Variants in ATP9B observed in about 807,000 individuals in gnomAD.
ATP9B encodes probable phospholipid-transporting ATPase IIB.
In ATP9B, 110 loss-of-function variants were observed where a neutral mutation model predicts 146.1. The observed-to-expected ratio is 0.75, with a 90% CI of 0.65 to 0.88. The LOEUF (loss-of-function observed/expected upper bound fraction) is 0.88, where lower values mean the gene tolerates loss of function less well. ATP9B is among the 40% of genes least tolerant of loss of function. ATP9B has a pLI of 0.00. For synonymous variants in ATP9B, 604 were observed against 569.7 expected (o/e 1.06, Z -0.86); for missense variants, 1,499 against 1,496.4 (o/e 1.00, Z -0.03).
At chr18:79,355,097 G>A (rs181637537) in intron 25 of ATP9B, among the ~76,000 whole-genome samples, 78 of 152,360 alleles carry the variant, frequency 5.1e-4, no homozygotes, top group South Asian at 1.4e-3. Context: ...CCTCAGTGTC[G>A]GCAGAGGCCG....
chr18:79,085,306 A>G (rs1439954268), intron 1 of ATP9B: 3 of 152,190 alleles, frequency 2.0e-5, no homozygotes, highest in African/African-American at 7.2e-5. Context: ...CACCTCTGAC[A>G]TTGGGGATCA....
At chr18:79,329,520 C>T (rs1473483047) in intron 16 of ATP9B, among the ~76,000 whole-genome samples, 2 of 151,752 alleles carry the variant, frequency 1.3e-5, no homozygotes, top group African/African-American at 4.8e-5. Flanking sequence ...CCTAAGTCAA[C>T]CTAGCCAGAA....
intron 1 of ATP9B, among the ~76,000 whole-genome samples, chr18:79,094,663 G>A (rs1201867923): frequency 6.6e-6 from 1 of 152,210 alleles, no homozygotes; most frequent in African/African-American, 2.4e-5. Context: ...GGCTAGAAAG[G>A]GTGGGTTTCT....
At position 79,154,507 on chromosome 18, in the gene ATP9B, C is replaced by G. The variant is rs745555152; in HGVS notation, c.730C>G (p.Gln244Glu). 6.5e-6 allele frequency: 10 copies of G among 1,535,542 alleles called. No homozygotes were observed. The East Asian group carries it at 2.2e-4, about 34-fold the overall frequency. Residue 244 changes from glutamine to glutamate, a missense_variant, in exon 7 of 30, where the codon CAA becomes GAA. By Grantham distance (29) the Gln-to-Glu change is conservative. Transcript: ENST00000426216. ...TCTTTTATAATGCTCTTTGCAGAATCAAAGAATTCCATCGGACATGGTGTT... is the reference window on the plus strand; with the variant it reads ...TCTTTTATAATGCTCTTTGCAGAATGAAAGAATTCCATCGGACATGGTGTT... Reference protein sequence around the residue: ...VGDLIIVEKNQRIPSDMVFLR... With the variant: ...VGDLIIVEKNERIPSDMVFLR...
Position 79,074,629 on chromosome 18 carries a change from C to T in ATP9B, c.119+5100C>T, listed in dbSNP as rs532078115. Among the ~76,000 whole-genome samples, 7 of 152,238 alleles carry T rather than the reference C, an allele frequency of 4.6e-5. No homozygotes were observed. In the East Asian group the frequency reaches 5.8e-4, roughly 13 times the overall value. The stretch of plus-strand genomic sequence containing the variant: ...CCTTACTGCTACTGCCCAGATGCCC[C>T]GGTATCCCCTGATGGGAGAGGGGAG... On this transcript the variant is annotated intron_variant, in intron 1 of 29. Transcript: ENST00000426216.
At chr18:79,315,124 A>C (rs939760969) in intron 15 of ATP9B, among the ~76,000 whole-genome samples, 2 of 152,024 alleles carry the variant, frequency 1.3e-5, no homozygotes, top group Non-Finnish European at 2.9e-5. Flanking sequence ...TCATCGCCTG[A>C]CTCCAGTATT....
At chr18:79,141,905 G>A (rs1054586909) in intron 5 of ATP9B, among the ~76,000 whole-genome samples, 11 of 152,148 alleles carry the variant, frequency 7.2e-5, no homozygotes, top group African/African-American at 2.7e-4. Context: ...TGTGAAAGCG[G>A]GTAACTTTCC....
chr18:79,275,817 G>A (rs1383566810), intron 12 of ATP9B, among the ~76,000 whole-genome samples: 1 of 152,214 alleles, frequency 6.6e-6, no homozygotes, highest in African/African-American at 2.4e-5. Flanking sequence ...AGATGGTGAG[G>A]TGCTGGTTTA....
At chr18:79,264,794 A>G (rs1034662463) in intron 12 of ATP9B, among the ~76,000 whole-genome samples, 8 of 152,162 alleles carry the variant, frequency 5.3e-5, no homozygotes, top group East Asian at 1.9e-4. Context: ...CCCGTCTGCC[A>G]TGTACCAAGC....
chr18:79,111,555 T>C (rs996061736), intron 3 of ATP9B, among the ~76,000 whole-genome samples: 1 of 152,220 alleles, frequency 6.6e-6, no homozygotes, highest in Non-Finnish European at 1.5e-5. Context: ...TATTCGCATC[T>C]TTATTGAATG....
chr18:79,258,000 T>G (rs2096100279), intron 12 of ATP9B, among the ~76,000 whole-genome samples: 1 of 152,238 alleles, frequency 6.6e-6, no homozygotes, highest in South Asian at 2.1e-4. Context: ...TTATATGGAC[T>G]ATCTCCAACC....
At chr18:79,190,447 A>G (rs1250720268) in intron 8 of ATP9B, among the ~76,000 whole-genome samples, 2 of 151,290 alleles carry the variant, frequency 1.3e-5, no homozygotes, top group African/African-American at 4.9e-5. Context: ...TCAGGAGCTC[A>G]ATGTACTTTT....
At chr18:79,124,158 T>G (rs566140500) in intron 4 of ATP9B, among the ~76,000 whole-genome samples, 4 of 147,332 alleles carry the variant, frequency 2.7e-5, no homozygotes, top group African/African-American at 5.3e-5. Flanking sequence ...GGCAAACTCA[T>G]AGAGACAGAA....
At chr18:79,116,940 T>TAAAAAAAAAAAAAAAAAAAATA (rs377608135) in intron 4 of ATP9B, among the ~76,000 whole-genome samples, 2 of 106,788 alleles carry the variant, frequency 1.9e-5, no homozygotes, top group Non-Finnish European at 3.8e-5. Flanking sequence ...AAAAAAAAAT[T>TAAAAAAAAAAAAAAAAAAAATA]AAAAAAAAAA....
intron 13 of ATP9B, among the ~76,000 whole-genome samples, chr18:79,277,919 G>A (rs750002649): frequency 2.0e-5 from 3 of 152,150 alleles, no homozygotes; most frequent in Non-Finnish European, 2.9e-5. Context: ...ATTCAACATA[G>A]TTTTAAACTA....
At position 79,335,652 on chromosome 18, in the gene ATP9B, C is replaced by T. The variant is rs139548625; in HGVS notation, c.2029-976C>T. On this transcript the variant is annotated intron_variant, in intron 17 of 29. Coordinates refer to ENST00000426216, the MANE Select transcript of ATP9B (RefSeq NM_198531.5). ...TGGGATCTGGCCGTGTCCCCACCAA[C>T]CCCAGCTCTCACCGCGGCCCTGCAC... 4.2e-3 allele frequency among the ~76,000 whole-genome samples: 639 copies of T among 152,278 alleles called. 3 individuals carry two copies. The highest frequency in any genetic ancestry group is 6.1e-3 in the Non-Finnish European group (413 of 68,022).
At chr18:79,215,365 C>T (rs566118977) in intron 11 of ATP9B, among the ~76,000 whole-genome samples, 21 of 152,198 alleles carry the variant, frequency 1.4e-4, no homozygotes, top group African/African-American at 3.6e-4. Flanking sequence ...GCTGTGCACA[C>T]GGAGAATCCA....
chr18:79,367,933 C>T (rs761923134), intron 26 of ATP9B, among the ~76,000 whole-genome samples: 5 of 152,258 alleles, frequency 3.3e-5, no homozygotes, highest in Non-Finnish European at 7.3e-5. Flanking sequence ...GGAGACATCA[C>T]GGCCAGAGCA....
At chr18:79,253,275 T>TAAATTTTAA (rs2096047870) in intron 11 of ATP9B, 106 bp from the exon 12 acceptor site, 1 of 1,083,716 alleles carries the variant, frequency 9.2e-7, no homozygotes, top group South Asian at 1.8e-5. Context: ...CTAATACCAA[T>TAAATTTTAA]AAATTTTAAA....
Sources: gnomAD v4.1 joint callset for allele counts (sites outside exome capture counted in the v4.1 genomes callset) on GRCh38, gnomAD v4.1.1 for gene constraint, MANE v1.5 for transcripts, NCBI Gene and HGNC (gene_info 2026-07-23, HGNC 2026-07-21) for gene names.